The following PCNX2 variants were observed in gnomAD, a reference collection of about 807,000 sequenced individuals.
PCNX2 encodes the protein pecanex 2.
A neutral mutation model predicts 223.8 loss-of-function variants in PCNX2; 168 were observed. That is an observed-to-expected ratio of 0.75 (90% CI 0.66 to 0.85). The LOEUF is 0.85. PCNX2 is among the 40% of genes least tolerant of loss of function. PCNX2 has a pLI of 0.00. For synonymous variants in PCNX2, 1,006 were observed against 1,052.6 expected (o/e 0.96, Z 0.86); for missense variants, 2,507 against 2,675.5 (o/e 0.94, Z 1.39).
intron 8 of PCNX2, among the ~76,000 whole-genome samples, chr1:233,249,364 T>C (rs1391482894): frequency 6.6e-6 from 1 of 152,242 alleles, no homozygotes; most frequent in Admixed American, 6.5e-5. Flanking sequence ...TGCAGAATAA[T>C]ATGACAGTTT....
At chr1:232,998,181 A>C in intron 32 of PCNX2, 70 bp downstream of exon 32, 1 of 1,401,546 alleles carries the variant, frequency 7.1e-7, no homozygotes, top group Non-Finnish European at 9.3e-7. Context: ...ACAACATCAT[A>C]ACTCAGGGCA....
chr1:233,263,066 A>G lies in PCNX2; in HGVS notation c.251T>C (p.Met84Thr). Residue 84 changes from methionine (M) to threonine (T), a missense_variant, in exon 2 of 34, where the codon ATG becomes ACG. Met to Thr is a moderately conservative substitution (Grantham distance 81). Around this residue, in one of 3 missense-constraint regions of PCNX2, gnomAD observed 1,031 missense variants for 1,021.7 expected, o/e 1.01. Transcript: ENST00000258229. The part of the protein sequence containing the change: ...IKLVSYRLHL[M>T]FDKGEVIQQK... Reference sequence around the variant, plus strand: ...CTGAATTACTTCTCCTTTGTCAAACATGAGGTGTAGGCGATAACTGACCAG... The same window carrying G: ...CTGAATTACTTCTCCTTTGTCAAACGTGAGGTGTAGGCGATAACTGACCAG... 4 of 1,613,720 alleles carry G rather than the reference A, an allele frequency of 2.5e-6. No individual in the cohort carries two copies. Among genetic ancestry groups the G allele is most frequent in the Non-Finnish European group, 3.4e-6 (4 of 1,179,764 alleles).
intron 19 of PCNX2, among the ~76,000 whole-genome samples, chr1:233,157,712 A>C (rs1163147997): frequency 6.6e-6 from 1 of 152,234 alleles, no homozygotes; most frequent in Non-Finnish European, 1.5e-5. Flanking sequence ...TCCAGGAAGA[A>C]GAGGCAAGGA....
chr1:232,998,196 T>C, intron 32 of PCNX2, 55 bp downstream of exon 32: 2 of 1,441,016 alleles, frequency 1.4e-6, no homozygotes, highest in South Asian at 1.6e-5. Context: ...AGGGCATTGG[T>C]CACTGGGACC....
At chr1:233,286,037 TC>T (rs1661428790) in intron 1 of PCNX2, among the ~76,000 whole-genome samples, 1 of 152,226 alleles carries the variant, frequency 6.6e-6, no homozygotes, top group Non-Finnish European at 1.5e-5. Flanking sequence ...GATAAGAGAT[TC>T]CAATGCAAAT....
In PCNX2 at chr1:233,200,176, G is replaced by C. The variant is rs1680984769; in HGVS notation, c.2952C>G (p.Asp984Glu). 6.3e-7 allele frequency: 1 copy of C among 1,589,292 alleles called. No homozygotes were observed. Among genetic ancestry groups the C allele is most frequent in the Non-Finnish European group, 8.6e-7 (1 of 1,166,976 alleles). ...TFCTYLLEQI[D>E]MLFFGGSAVS... ...TACCAGAACCACCAAAAAACAGCAT[G>C]TCAATTTGCTCCAAAAGATAAGTGC... Residue 984 changes from aspartate to glutamate, a missense_variant, in exon 14 of 34, where the codon GAC (aspartate) becomes GAG (glutamate). Around this residue, in one of 3 missense-constraint regions of PCNX2, gnomAD observed 1,372 missense variants for 1,509.4 expected, o/e 0.91. Transcript: ENST00000258229.
intron 23 of PCNX2, chr1:233,057,694 A>G: frequency 5.3e-6 from 1 of 188,352 alleles, no homozygotes; most frequent in Admixed American, 6.3e-5. Flanking sequence ...ACAGTGTGAA[A>G]CTCCATCTCT....
chr1:233,080,616 T>A (rs570367940), intron 23 of PCNX2, among the ~76,000 whole-genome samples: 13 of 151,978 alleles, frequency 8.6e-5, no homozygotes, highest in Non-Finnish European at 1.8e-4. Flanking sequence ...TCTCACTGTA[T>A]CCTCCCATGG....
At chr1:233,202,070 G>T (rs1681147634) in intron 13 of PCNX2, 1 of 402,436 alleles carries the variant, frequency 2.5e-6, no homozygotes, top group Non-Finnish European at 5.1e-6. Flanking sequence ...GAGGTGGAAT[G>T]GGAGGAAGAG....
At chr1:233,054,124 T>C (rs1017951002) in intron 25 of PCNX2, 144 bp downstream of exon 25, 28 of 676,334 alleles carry the variant, frequency 4.1e-5, no homozygotes, top group Non-Finnish European at 6.3e-5. Context: ...AGTTTATTTA[T>C]ATCAAGGTAG....
At chr1:233,259,556 G>A (rs1259882078) in intron 4 of PCNX2, among the ~76,000 whole-genome samples, 3 of 152,154 alleles carry the variant, frequency 2.0e-5, no homozygotes, top group Admixed American at 1.3e-4. Flanking sequence ...TGGTGCACCT[G>A]TCAACCCGTC....
chr1:233,000,525 G>A lies in PCNX2; in HGVS notation c.5108C>T (p.Thr1703Ile). 6.3e-7 allele frequency: 1 copy of A among 1,594,176 alleles called. No individual in the cohort carries two copies. Among genetic ancestry groups the A allele is most frequent in the Non-Finnish European group, 8.5e-7 (1 of 1,173,864 alleles). Residue 1703 changes from threonine to isoleucine, a missense_variant, in exon 30 of 34, where the codon ACT (threonine) becomes ATT (isoleucine). By Grantham distance (89) the Thr-to-Ile change is moderately conservative. Around this residue, in one of 3 missense-constraint regions of PCNX2, gnomAD observed 1,372 missense variants for 1,509.4 expected, o/e 0.91. Transcript: ENST00000258229. The surrounding 1 kb of genome is among the most constrained non-coding windows in gnomAD (Gnocchi z 4.6). ...TGGGTCTTCATACTCGTCAGGGCAA[G>A]TGAACTGGTCCTGGTGGGAAGAAGT... ...MSLKLHQDQF[T>I]CPDEYEDPAV...
chr1:233,305,427 T>C, the PCNX2 span, among the ~76,000 whole-genome samples: 14 of 152,152 alleles, frequency 9.2e-5, no homozygotes, highest in African/African-American at 3.4e-4. Context: ...CACTAAAATA[T>C]TAAATTTCAT....
chr1:233,214,335 G>GT (rs143695023), intron 12 of PCNX2, among the ~76,000 whole-genome samples: 3,283 of 152,270 alleles, frequency 0.022, 112 homozygotes, highest in African/African-American at 0.074. Flanking sequence ...ATTGAGAGAA[G>GT]TAAGTTTCCC....
chr1:233,042,544 A>C (rs1671678759), intron 25 of PCNX2, among the ~76,000 whole-genome samples: 1 of 152,188 alleles, frequency 6.6e-6, no homozygotes, highest in Non-Finnish European at 1.5e-5. Flanking sequence ...TATCAATTAT[A>C]TCCAATCTCC....
chr1:233,087,573 T>C (rs1359506772), intron 23 of PCNX2, among the ~76,000 whole-genome samples: 2 of 152,188 alleles, frequency 1.3e-5, no homozygotes, highest in Admixed American at 6.5e-5. Context: ...TTTAAATAGA[T>C]AGAATGAGCT....
Position 233,157,581 on chromosome 1 carries a change from A to C in PCNX2, c.3517+2702T>G, listed in dbSNP as rs78965625. ...CCCAGTGACAATATTCTGTGCTCCTATGAGAAAGAATATGTGAGCATCACT... is the reference window on the plus strand; with the variant it reads ...CCCAGTGACAATATTCTGTGCTCCTCTGAGAAAGAATATGTGAGCATCACT... On this transcript the variant is annotated intron_variant, in intron 19 of 33. Coordinates refer to ENST00000258229, the MANE Select transcript of PCNX2 (RefSeq NM_014801.4). Among the ~76,000 whole-genome samples the C allele has an allele frequency of 8.8e-3, 1,347 of 152,250 alleles. 23 individuals carry two copies. The highest frequency in any genetic ancestry group is 0.031 in the African/African-American group (1,292 of 41,548).
At chr1:232,987,951 G>T (rs918565561) in intron 32 of PCNX2, among the ~76,000 whole-genome samples, 1 of 152,214 alleles carries the variant, frequency 6.6e-6, no homozygotes. Context: ...TCCGCAGGAC[G>T]GGGCTGCCCT....
intron 25 of PCNX2, chr1:233,047,555 G>C (rs901671007): frequency 4.6e-6 from 1 of 215,302 alleles, no homozygotes; most frequent in Non-Finnish European, 7.9e-6. Context: ...AGGGGTCACT[G>C]TTCTTATATC....
Sources: allele counts gnomAD v4.1 joint callset (sites outside exome capture counted in the v4.1 genomes callset), GRCh38; gene constraint gnomAD v4.1.1; regional missense constraint gnomAD v4.1.1; non-coding constraint Gnocchi (gnomAD v3.1); transcripts MANE v1.5; gene names NCBI Gene and HGNC (gene_info 2026-07-23, HGNC 2026-07-21).